The following SGK1 variants were observed in gnomAD, a reference collection of about 807,000 sequenced individuals.
SGK1 encodes the protein serine/threonine-protein kinase Sgk1.
SGK1 carries 26 observed loss-of-function variants against 64.2 expected under a neutral mutation model. The ratio of observed to expected loss-of-function variants is 0.40; its 90% CI spans 0.30 to 0.56. The LOEUF (loss-of-function observed/expected upper bound fraction) is 0.56. SGK1 is among the 20% of genes least tolerant of loss of function. The probability of loss-of-function intolerance (pLI) is 0.38; values close to 1 mark genes in which losing one functional copy is unlikely to be tolerated. For missense variants in SGK1, 519 were observed against 645.6 expected, an observed-to-expected ratio of 0.80 and a Z score of 2.12; for synonymous variants, 265 against 239.7, an observed-to-expected ratio of 1.11 and a Z score of -0.98.
chr6:134,180,090 A>G (rs952356690), intron 3 of SGK1, among the ~76,000 whole-genome samples: 2 of 152,014 alleles, frequency 1.3e-5, no homozygotes, highest in Admixed American at 6.6e-5. Flanking sequence ...AGTAGCTGGG[A>G]CCACAGGCAC....
At chr6:134,269,121 A>G (rs549224378) in intron 1 of SGK1, among the ~76,000 whole-genome samples, 1 of 147,406 alleles carries the variant, frequency 6.8e-6, no homozygotes, top group East Asian at 2.4e-4. Flanking sequence ...AATGATATCA[A>G]CCGATACAGG....
intron 1 of SGK1, among the ~76,000 whole-genome samples, chr6:134,311,488 A>G (rs549076831): frequency 6.6e-6 from 1 of 152,148 alleles, no homozygotes; most frequent in African/African-American, 2.4e-5. Flanking sequence ...ACTAAAAAAA[A>G]AAATACAAAA....
rs146594033 is a variant in SGK1 at position 134,306,803 on chromosome 6, G to A, written c.69+10589C>T. Among the ~76,000 whole-genome samples, 3 of 150,370 alleles carry A rather than the reference G, an allele frequency of 2.0e-5. No homozygotes were observed. The South Asian group carries it at 6.4e-4, about 32-fold the overall frequency. On this transcript the variant is annotated intron_variant, in intron 1 of 13. Coordinates refer to ENST00000367858, the MANE Select transcript of SGK1 (RefSeq NM_001143676.3). ...ATTACAGATGTTAGCCACTGAGCTC[G>A]ACCTGGAAGCTTATGATTTCTTATT...
chr6:134,220,564 T>A (rs1477269442), intron 2 of SGK1, among the ~76,000 whole-genome samples: 1 of 152,234 alleles, frequency 6.6e-6, no homozygotes, highest in African/African-American at 2.4e-5. Flanking sequence ...TGACTATGTA[T>A]GTGCCCCTGG....
chr6:134,175,002 C>A, intron 3 of SGK1: 1 of 1,156,780 alleles, frequency 8.6e-7, no homozygotes. Flanking sequence ...GGCGGCTACG[C>A]TGCCTGCGGC....
intron 1 of SGK1, among the ~76,000 whole-genome samples, chr6:134,290,866 C>T (rs1365302136): frequency 1.3e-5 from 2 of 152,150 alleles, no homozygotes; most frequent in African/African-American, 2.4e-5. Flanking sequence ...CTGCCTGGAA[C>T]TTATCTGGTT....
At chr6:134,289,438 T>G (rs1441123627) in intron 1 of SGK1, among the ~76,000 whole-genome samples, 2 of 152,108 alleles carry the variant, frequency 1.3e-5, no homozygotes, top group Admixed American at 1.3e-4. Flanking sequence ...GAATAGAATA[T>G]AAACCACAGA....
chr6:134,175,292 C>A (rs998234245), intron 3 of SGK1, among the ~76,000 whole-genome samples: 3 of 152,096 alleles, frequency 2.0e-5, no homozygotes, highest in Non-Finnish European at 4.4e-5. Flanking sequence ...CCTGCAGATA[C>A]CCTCTCCCCG....
Position 134,184,992 on chromosome 6 carries a change from TTATC to T in SGK1, c.362-10410_362-10407del, listed in dbSNP as rs546457634. On this transcript the variant is annotated intron_variant, in intron 3 of 13. Coordinates refer to ENST00000367858, the MANE Select transcript of SGK1 (RefSeq NM_001143676.3). ...AAGCCACCGACCCTGGCCGGAATAA[TTATC>T]TATATTATTTGCCACATCATCCCTG... 3.7e-4 allele frequency among the ~76,000 whole-genome samples: 57 copies of T among 152,342 alleles called. 1 individual carries two copies. In the East Asian group the frequency reaches 0.01, roughly 27 times the overall value.
intron 2 of SGK1, among the ~76,000 whole-genome samples, chr6:134,255,122 G>A (rs1776661587): frequency 6.6e-6 from 1 of 152,104 alleles, no homozygotes; most frequent in Non-Finnish European, 1.5e-5. Context: ...ACCTGCCTCG[G>A]CCTCCCAAAG....
At chr6:134,215,606 C>T (rs189078227) in intron 2 of SGK1, among the ~76,000 whole-genome samples, 316 of 152,074 alleles carry the variant, frequency 2.1e-3, no homozygotes, top group Non-Finnish European at 3.0e-3. Context: ...AGCACATGCG[C>T]GCGGTGGCTC....
At chr6:134,266,778 G>C (rs1776861122) in intron 1 of SGK1, among the ~76,000 whole-genome samples, 2 of 152,160 alleles carry the variant, frequency 1.3e-5, no homozygotes, top group Admixed American at 1.3e-4. Context: ...TTAAAAGTTT[G>C]AGACTCCAAT....
At chr6:134,202,773 T>C (rs1478172177) in intron 3 of SGK1, among the ~76,000 whole-genome samples, 1 of 152,172 alleles carries the variant, frequency 6.6e-6, no homozygotes, top group Non-Finnish European at 1.5e-5. Context: ...GGCAAATATC[T>C]GGATAAAAAC....
chr6:134,263,162 A>C (rs189239990), intron 1 of SGK1, among the ~76,000 whole-genome samples: 1 of 152,322 alleles, frequency 6.6e-6, no homozygotes, highest in Admixed American at 6.5e-5. Context: ...AAGGTGAATT[A>C]CTAGTTATTC....
chr6:134,250,857 T>G (rs141929334), intron 2 of SGK1, among the ~76,000 whole-genome samples: 245 of 152,330 alleles, frequency 1.6e-3, no homozygotes, highest in Non-Finnish European at 2.4e-3. Flanking sequence ...CACTGCAGAC[T>G]TGACCTCCTG....
At chr6:134,297,402 T>G in intron 1 of SGK1, 1 of 755,724 alleles carries the variant, frequency 1.3e-6, no homozygotes. Flanking sequence ...CAGCTCCCCA[T>G]GCTGCTCGGC....
intron 1 of SGK1, among the ~76,000 whole-genome samples, chr6:134,282,768 C>T (rs1032183208): frequency 6.6e-6 from 1 of 151,634 alleles, no homozygotes; most frequent in Admixed American, 6.6e-5. Flanking sequence ...ATAAATTATG[C>T]CTCAAGACTG....
intron 1 of SGK1, chr6:134,297,159 C>A: frequency 3.1e-6 from 2 of 637,346 alleles, no homozygotes; most frequent in South Asian, 2.9e-5. Context: ...TGAGCACAGA[C>A]CACCTGCATA....
chr6:134,221,500 G>A (rs944705743), intron 2 of SGK1, among the ~76,000 whole-genome samples: 1 of 152,052 alleles, frequency 6.6e-6, no homozygotes, highest in East Asian at 1.9e-4. Flanking sequence ...GTGAAGGCTT[G>A]CTTGTCATTT....
Sources: allele counts gnomAD v4.1 joint callset (sites outside exome capture counted in the v4.1 genomes callset), GRCh38; gene constraint gnomAD v4.1.1; transcripts MANE v1.5; gene names NCBI Gene and HGNC (gene_info 2026-07-23, HGNC 2026-07-21).